The following CIT variants were observed in gnomAD, a reference collection of about 807,000 sequenced individuals.
The protein encoded by CIT is citron rho-interacting serine/threonine kinase.
Under a neutral mutation model 272.7 loss-of-function variants are expected in CIT, and 79 were observed. That is an observed-to-expected ratio of 0.29 (90% CI 0.24 to 0.35). The LOEUF (loss-of-function observed/expected upper bound fraction) is 0.35, where lower values mean the gene tolerates loss of function less well. CIT is among the 10% of genes least tolerant of loss of function. CIT has a pLI of 1.00. For missense variants in CIT, 1,909 were observed against 2,618.3 expected (o/e 0.73, Z 5.91); for synonymous variants, 948 against 995.6 (o/e 0.95, Z 0.90).
intron 9 of CIT, among the ~76,000 whole-genome samples, chr12:119,814,471 C>A (rs75418913): frequency 6.6e-6 from 1 of 152,148 alleles, no homozygotes; most frequent in Non-Finnish European, 1.5e-5. Flanking sequence ...ACCATCACTA[C>A]TTTACCATCC....
intron 21 of CIT, among the ~76,000 whole-genome samples, chr12:119,758,089 G>A (rs985435561): frequency 2.6e-5 from 4 of 152,172 alleles, no homozygotes; most frequent in Non-Finnish European, 5.9e-5. Context: ...ACTGTTTTGG[G>A]AGATCTCTGA....
chr12:119,829,320 G>C (rs1030274652), intron 7 of CIT, among the ~76,000 whole-genome samples: 3 of 128,532 alleles, frequency 2.3e-5, no homozygotes, highest in African/African-American at 9.6e-5. Context: ...CTGGGTGACA[G>C]AGCAAGACTC....
At chr12:119,877,143 T>A (rs548505899) in intron 1 of CIT, 106 bp downstream of exon 1, 1 of 151,826 alleles carries the variant, frequency 6.6e-6, no homozygotes, top group South Asian at 2.1e-4. Context: ...ATCGCCGCCC[T>A]CCCCGGGGCG....
intron 10 of CIT, among the ~76,000 whole-genome samples, chr12:119,789,007 C>T (rs946780770): frequency 5.9e-5 from 9 of 152,070 alleles, no homozygotes; most frequent in African/African-American, 2.2e-4. Context: ...GAGGATGAGG[C>T]TGGAGAGTAA....
At chr12:119,763,073 C>T (rs1003945523) in intron 19 of CIT, among the ~76,000 whole-genome samples, 3 of 152,032 alleles carry the variant, frequency 2.0e-5, no homozygotes, top group Admixed American at 6.6e-5. Flanking sequence ...AATAAAAGAA[C>T]ATACGGATCT....
chr12:119,770,722 C>T lies in CIT; in HGVS notation c.2208+63G>A. 6.3e-7 allele frequency: 1 copy of T among 1,594,406 alleles called. No homozygotes were observed. Among genetic ancestry groups the T allele is most frequent in the Non-Finnish European group, 8.6e-7 (1 of 1,165,960 alleles). Reference sequence around the variant, plus strand: ...TGTGGCGGTTAATTCTTCTTCTTACCCCCTTCCCTTTGCAAACTCTAACCT... The same window carrying T: ...TGTGGCGGTTAATTCTTCTTCTTACTCCCTTCCCTTTGCAAACTCTAACCT... On this transcript the variant is annotated intron_variant, in intron 18 of 47. Coordinates refer to ENST00000392521, the MANE Select transcript of CIT (RefSeq NM_001206999.2). This position sits in a 1 kb window ranked among gnomAD's most constrained non-coding sequence, Gnocchi z 4.4.
rs1486334206 is a variant in CIT at position 119,770,341 on chromosome 12, A to G, written c.2208+444T>C. On this transcript the variant is annotated intron_variant, in intron 18 of 47. Coordinates refer to ENST00000392521, the MANE Select transcript of CIT (RefSeq NM_001206999.2). This position sits in a 1 kb window ranked among gnomAD's most constrained non-coding sequence, Gnocchi z 4.4. ...TCTATGACAAATACTACTCCTAGCA[A>G]AACAATTCTGTATGACTAATTGCTT... 2.0e-5 allele frequency among the ~76,000 whole-genome samples: 3 copies of G among 152,202 alleles called. No individual in the cohort carries two copies. The highest frequency in any genetic ancestry group is 4.4e-5 in the Non-Finnish European group (3 of 68,038).
In CIT at chr12:119,712,505, A is replaced by G. The variant is rs896625548; in HGVS notation, c.4684+86T>C. 3.2e-5 allele frequency: 46 copies of G among 1,427,128 alleles called. No individual in the cohort carries two copies. Among genetic ancestry groups the G allele is most frequent in the African/African-American group, 4.2e-5 (3 of 70,742 alleles). The allele number at this position is 1,427,128 out of a possible 1,614,324, so 88.4% of individuals were successfully genotyped here. A position where few individuals can be genotyped will look rare whatever the true frequency, so the allele number is the denominator to read the frequency against. ...AAGATGGGCCTCCTTTGCAGAGCCA[A>G]TCTTCCCTGTACCACCCCTTCTGTC... On this transcript the variant is annotated intron_variant, in intron 36 of 47. Transcript: ENST00000392521. This position sits in a 1 kb window ranked among gnomAD's most constrained non-coding sequence, Gnocchi z 5.2.
intron 3 of CIT, among the ~76,000 whole-genome samples, chr12:119,863,201 C>CCAA (rs1301019400): frequency 4.7e-4 from 19 of 40,524 alleles, no homozygotes; most frequent in African/African-American, 1.4e-3. Flanking sequence ...GACTCTGTAT[C>CCAA]AAAAAAAAAA....
At chr12:119,842,817 T>C (rs963260625) in intron 5 of CIT, among the ~76,000 whole-genome samples, 2 of 152,222 alleles carry the variant, frequency 1.3e-5, no homozygotes, top group Admixed American at 1.3e-4. Flanking sequence ...ACTGAGAATA[T>C]AATGCAAGTT....
chr12:119,828,237 C>T (rs1180941714), intron 7 of CIT, among the ~76,000 whole-genome samples: 1 of 152,228 alleles, frequency 6.6e-6, no homozygotes, highest in East Asian at 1.9e-4. Flanking sequence ...TACCCACTGG[C>T]TTCCTCTTAA....
intron 9 of CIT, among the ~76,000 whole-genome samples, chr12:119,805,404 G>T (rs1593815165): frequency 6.6e-6 from 1 of 152,170 alleles, no homozygotes; most frequent in Non-Finnish European, 1.5e-5. Context: ...ACAGTTCTTA[G>T]CATACAGTAA....
intron 10 of CIT, among the ~76,000 whole-genome samples, chr12:119,795,807 CAT>C (rs1454641018): frequency 6.6e-6 from 1 of 152,184 alleles, no homozygotes; most frequent in Non-Finnish European, 1.5e-5. Context: ...TCAGCTACCT[CAT>C]AGAGTTACAG....
intron 3 of CIT, among the ~76,000 whole-genome samples, chr12:119,858,979 TCTTTC>T (rs1211597802): frequency 6.6e-6 from 1 of 152,192 alleles, no homozygotes; most frequent in Non-Finnish European, 1.5e-5. Flanking sequence ...CCAAGTCTAA[TCTTTC>T]AGTCAGAGAT....
chr12:119,810,355 G>A (rs1266320913), intron 9 of CIT, among the ~76,000 whole-genome samples: 1 of 152,154 alleles, frequency 6.6e-6, no homozygotes, highest in African/African-American at 2.4e-5. Context: ...GTTATGGTGT[G>A]AGAGTGGAGG....
chr12:119,828,884 A>G (rs895821261), intron 7 of CIT, among the ~76,000 whole-genome samples: 3 of 151,994 alleles, frequency 2.0e-5, no homozygotes, highest in Non-Finnish European at 4.4e-5. Context: ...GTTAATTTTT[A>G]CTGTATTAAC....
At chr12:119,868,133 G>C (rs942715228) in intron 3 of CIT, among the ~76,000 whole-genome samples, 1 of 152,094 alleles carries the variant, frequency 6.6e-6, no homozygotes. Flanking sequence ...TGGGGTGGAA[G>C]GATTGCTTGA....
At chr12:119,785,908 G>A (rs1254278648) in intron 10 of CIT, among the ~76,000 whole-genome samples, 4 of 152,126 alleles carry the variant, frequency 2.6e-5, no homozygotes, top group African/African-American at 7.2e-5. Flanking sequence ...CTCCAGAACT[G>A]TAAAATAATA....
At chr12:119,748,547 A>G (rs175879) in intron 23 of CIT, among the ~76,000 whole-genome samples, 126,478 of 152,210 alleles carry the variant, frequency 0.83, 52,852 homozygotes, top group Middle Eastern at 0.9. Context: ...GTCACCTTAC[A>G]TGCCCCGATT....
Sources: gnomAD v4.1 joint callset for allele counts (sites outside exome capture counted in the v4.1 genomes callset) on GRCh38, gnomAD v4.1.1 for gene constraint, Gnocchi (gnomAD v3.1) non-coding constraint, MANE v1.5 for transcripts, NCBI Gene and HGNC (gene_info 2026-07-23, HGNC 2026-07-21) for gene names.